The following LRRC4C variants were observed in gnomAD, a reference collection of about 807,000 sequenced individuals.
The protein encoded by LRRC4C is leucine-rich repeat-containing protein 4C.
Under a neutral mutation model 33.6 loss-of-function variants are expected in LRRC4C, and 5 were observed. That is an observed-to-expected ratio of 0.15 (90% confidence interval 0.08 to 0.31). LRRC4C has a LOEUF of 0.31. Ranked by LOEUF, LRRC4C falls within the 10% of genes least tolerant of loss-of-function variation. The probability of loss-of-function intolerance (pLI) is 1.00; values close to 1 mark genes in which losing one functional copy is unlikely to be tolerated. For synonymous variants in LRRC4C, 329 were observed against 302.0 expected, an observed-to-expected ratio of 1.09 and a Z score of -0.93; for missense variants, 560 against 796.7, an observed-to-expected ratio of 0.70 and a Z score of 3.58.
At chr11:40,803,260 C>T (rs991316075) in intron 2 of LRRC4C, among the ~76,000 whole-genome samples, 15 of 152,084 alleles carry the variant, frequency 9.9e-5, no homozygotes, top group Non-Finnish European at 1.6e-4. Flanking sequence ...AATGGAGGCA[C>T]AAAAAGATTA....
intron 1 of LRRC4C, among the ~76,000 whole-genome samples, chr11:41,427,776 A>C (rs1565664765): frequency 6.6e-6 from 1 of 152,146 alleles, no homozygotes; most frequent in Non-Finnish European, 1.5e-5. Flanking sequence ...ATGAAATTTA[A>C]ATGGCCTGTT....
At chr11:41,265,782 C>A (rs1292315089) in intron 1 of LRRC4C, among the ~76,000 whole-genome samples, 1 of 151,992 alleles carries the variant, frequency 6.6e-6, no homozygotes, top group Non-Finnish European at 1.5e-5. Flanking sequence ...GAAAAAATTT[C>A]TCATTAGTAA....
chr11:40,887,467 T>A (rs1010064388), intron 2 of LRRC4C, among the ~76,000 whole-genome samples: 2 of 152,028 alleles, frequency 1.3e-5, no homozygotes, highest in Non-Finnish European at 2.9e-5. Flanking sequence ...AGTCATTAGG[T>A]CTAAATTCCA....
At chr11:40,697,960 G>T (rs7942114) in intron 2 of LRRC4C, among the ~76,000 whole-genome samples, 13 of 150,728 alleles carry the variant, frequency 8.6e-5, no homozygotes, top group Admixed American at 2.0e-4. Context: ...CCCAGCTACA[G>T]GGGAGGCTGA....
At chr11:41,377,296 G>C (rs1224969205) in intron 1 of LRRC4C, among the ~76,000 whole-genome samples, 1 of 152,068 alleles carries the variant, frequency 6.6e-6, no homozygotes, top group African/African-American at 2.4e-5. Flanking sequence ...GATATACAAA[G>C]TTCCTCTCCC....
chr11:41,401,270 C>G (rs984011118), intron 1 of LRRC4C, among the ~76,000 whole-genome samples: 1 of 151,882 alleles, frequency 6.6e-6, no homozygotes, highest in Non-Finnish European at 1.5e-5. Flanking sequence ...TCCTTATTCA[C>G]ACTAGTCACA....
chr11:41,295,162 C>G (rs1368953249), intron 1 of LRRC4C, among the ~76,000 whole-genome samples: 1 of 151,998 alleles, frequency 6.6e-6, no homozygotes, highest in African/African-American at 2.4e-5. Flanking sequence ...AAATTGGAAC[C>G]AAGATACATA....
intron 1 of LRRC4C, among the ~76,000 whole-genome samples, chr11:41,351,252 TACACACAC>T (rs35682867): frequency 6.7e-6 from 1 of 149,334 alleles, no homozygotes; most frequent in African/African-American, 2.5e-5. Flanking sequence ...CACACACACA[TACACACAC>T]ACACACACAC....
At chr11:40,199,445 A>T (rs1490194169) in intron 5 of LRRC4C, among the ~76,000 whole-genome samples, 1 of 152,188 alleles carries the variant, frequency 6.6e-6, no homozygotes, top group African/African-American at 2.4e-5. Flanking sequence ...GGGTCTTTAT[A>T]ACAATAAGGT....
chr11:41,314,771 C>T (rs1288351069), intron 1 of LRRC4C, among the ~76,000 whole-genome samples: 1 of 151,618 alleles, frequency 6.6e-6, no homozygotes, highest in African/African-American at 2.4e-5. Flanking sequence ...ATATTGTGCA[C>T]ATGTACCCTA....
intron 1 of LRRC4C, among the ~76,000 whole-genome samples, chr11:41,172,959 G>C (rs1433919517): frequency 5.3e-5 from 8 of 152,038 alleles, no homozygotes; most frequent in Non-Finnish European, 1.0e-4. Flanking sequence ...AAAATTCCGA[G>C]ATGGGTCCAG....
At chr11:40,408,244 T>G (rs577689000) in intron 3 of LRRC4C, among the ~76,000 whole-genome samples, 1 of 152,144 alleles carries the variant, frequency 6.6e-6, no homozygotes, top group African/African-American at 2.4e-5. Flanking sequence ...GTTTCAAATA[T>G]AATTTAATTA....
intron 2 of LRRC4C, among the ~76,000 whole-genome samples, chr11:40,726,797 G>T (rs1248617133): frequency 6.6e-6 from 1 of 151,180 alleles, no homozygotes; most frequent in East Asian, 1.9e-4. Context: ...CATCCAAATA[G>T]GAAAAAAAAA....
intron 1 of LRRC4C, among the ~76,000 whole-genome samples, chr11:41,099,212 A>G (rs923327295): frequency 1.3e-5 from 2 of 152,042 alleles, no homozygotes; most frequent in Admixed American, 6.6e-5. Flanking sequence ...CATCCAAAAA[A>G]AGCCCAGGTC....
chr11:41,094,017 G>A (rs1310820601), intron 1 of LRRC4C, among the ~76,000 whole-genome samples: 2 of 151,432 alleles, frequency 1.3e-5, no homozygotes, highest in Non-Finnish European at 2.9e-5. Flanking sequence ...GCTGAGGCAG[G>A]AGAATTGCTT....
At chr11:41,303,120 T>TCTCCC (rs1228833972) in intron 1 of LRRC4C, among the ~76,000 whole-genome samples, 2 of 109,482 alleles carry the variant, frequency 1.8e-5, no homozygotes, top group African/African-American at 7.2e-5. Flanking sequence ...TCCCTCTCCC[T>TCTCCC]CACCCCACGG....
intron 2 of LRRC4C, among the ~76,000 whole-genome samples, chr11:40,778,235 G>A (rs1950085817): frequency 2.0e-5 from 3 of 152,128 alleles, no homozygotes; most frequent in Admixed American, 1.3e-4. Context: ...AGGATATTTT[G>A]TGAGGCTGGC....
chr11:40,700,058 C>T (rs950046408), intron 2 of LRRC4C, among the ~76,000 whole-genome samples: 1 of 151,990 alleles, frequency 6.6e-6, no homozygotes, highest in Non-Finnish European at 1.5e-5. Flanking sequence ...CAAACATTCC[C>T]GGGTGAAGTT....
At chr11:40,362,149 C>A (rs530686984) in intron 3 of LRRC4C, among the ~76,000 whole-genome samples, 1 of 152,220 alleles carries the variant, frequency 6.6e-6, no homozygotes, top group South Asian at 2.1e-4. Flanking sequence ...AAATTCAAAA[C>A]TATAAAAACC....
Sources: gnomAD v4.1 joint callset for allele counts (sites outside exome capture counted in the v4.1 genomes callset) on GRCh38, gnomAD v4.1.1 for gene constraint, MANE v1.5 for transcripts, NCBI Gene and HGNC (gene_info 2026-07-23, HGNC 2026-07-21) for gene names.